The following BRINP2 variants were observed in gnomAD, a reference collection of about 807,000 sequenced individuals.
BRINP2 encodes the protein BMP/retinoic acid-inducible neural-specific protein 2.
In BRINP2, 21 loss-of-function variants were observed where a neutral mutation model predicts 69.2. The ratio of observed to expected loss-of-function variants is 0.30; its 90% CI spans 0.22 to 0.44. BRINP2 has a LOEUF of 0.44. BRINP2 is among the 20% of genes least tolerant of loss of function. The pLI is 1.00. For missense variants in BRINP2, 877 were observed against 986.0 expected (o/e 0.89, Z 1.48); for synonymous variants, 380 against 394.1 (o/e 0.96, Z 0.42).
intron 2 of BRINP2, among the ~76,000 whole-genome samples, chr1:177,252,672 T>G (rs1031344982): frequency 1.3e-5 from 2 of 152,102 alleles, no homozygotes; most frequent in Non-Finnish European, 2.9e-5. Flanking sequence ...ACATAACTTA[T>G]TCTTCCTAAC....
At chr1:177,172,402 T>C (rs1306431250) in intron 1 of BRINP2, among the ~76,000 whole-genome samples, 2 of 152,228 alleles carry the variant, frequency 1.3e-5, no homozygotes, top group African/African-American at 2.4e-5. Context: ...TCTCTGTCTC[T>C]GTTTTTGTGA....
intron 1 of BRINP2, among the ~76,000 whole-genome samples, chr1:177,216,038 A>T (rs1175784899): frequency 6.6e-6 from 1 of 152,038 alleles, no homozygotes; most frequent in Non-Finnish European, 1.5e-5. Context: ...TGTACAGCAT[A>T]TACTTGGACC....
chr1:177,227,585 G>A (rs1039403898), intron 1 of BRINP2, among the ~76,000 whole-genome samples: 6 of 151,582 alleles, frequency 4.0e-5, no homozygotes, highest in East Asian at 3.9e-4. Flanking sequence ...GTACAAAGCC[G>A]ATTCCTCTTT....
At chr1:177,273,828 C>T (rs1571947992) in intron 5 of BRINP2, among the ~76,000 whole-genome samples, 1 of 152,194 alleles carries the variant, frequency 6.6e-6, no homozygotes, top group Admixed American at 6.5e-5. Flanking sequence ...CATGACACCT[C>T]AATCATCCCA....
intron 1 of BRINP2, among the ~76,000 whole-genome samples, chr1:177,187,524 T>C (rs1487391121): frequency 6.6e-6 from 1 of 152,158 alleles, no homozygotes; most frequent in Non-Finnish European, 1.5e-5. Flanking sequence ...GTGCACAGGG[T>C]CAGGCATGGA....
intron 4 of BRINP2, 37 bp downstream of exon 4, chr1:177,257,421 A>G: frequency 6.5e-7 from 1 of 1,547,924 alleles, no homozygotes; most frequent in Non-Finnish European, 8.8e-7. Flanking sequence ...GGGATGGGGG[A>G]AGCACTGAGG....
intron 2 of BRINP2, among the ~76,000 whole-genome samples, chr1:177,231,559 C>A (rs1425833640): frequency 6.6e-6 from 1 of 152,190 alleles, no homozygotes; most frequent in Non-Finnish European, 1.5e-5. Flanking sequence ...GGAGCAAGGT[C>A]AGAGATATTT....
chr1:177,220,128 C>A (rs1428320853), intron 1 of BRINP2, among the ~76,000 whole-genome samples: 2 of 152,190 alleles, frequency 1.3e-5, no homozygotes, highest in African/African-American at 2.4e-5. Context: ...TAAAGAGGAA[C>A]TCTAAGAGAG....
At chr1:177,230,747 A>T (rs1031334232) in intron 2 of BRINP2, among the ~76,000 whole-genome samples, 2 of 152,160 alleles carry the variant, frequency 1.3e-5, no homozygotes, top group African/African-American at 4.8e-5. Flanking sequence ...CTAATCCATC[A>T]TCAGGTGGAA....
intron 1 of BRINP2, among the ~76,000 whole-genome samples, chr1:177,195,700 C>G (rs1571891243): frequency 6.6e-6 from 1 of 151,890 alleles, no homozygotes; most frequent in Non-Finnish European, 1.5e-5. Context: ...GACAGACAGC[C>G]AAGCCAATCT....
chr1:177,222,759 G>C (rs1240180236), intron 1 of BRINP2, among the ~76,000 whole-genome samples: 3 of 151,860 alleles, frequency 2.0e-5, no homozygotes, highest in African/African-American at 7.3e-5. Flanking sequence ...TGAGGCAAAA[G>C]TGTTGGAACC....
chr1:177,188,077 GTGAC>G (rs1648479499), intron 1 of BRINP2, among the ~76,000 whole-genome samples: 1 of 152,176 alleles, frequency 6.6e-6, no homozygotes, highest in African/African-American at 2.4e-5. Flanking sequence ...GCTATGCACA[GTGAC>G]TGGCTCATAA....
chr1:177,271,305 A>G (rs1651318787), intron 4 of BRINP2, among the ~76,000 whole-genome samples: 1 of 152,168 alleles, frequency 6.6e-6, no homozygotes, highest in Non-Finnish European at 1.5e-5. Context: ...AAGTCAGTAC[A>G]ATTTGTTTTG....
chr1:177,234,596 C>T (rs771679354), intron 2 of BRINP2, among the ~76,000 whole-genome samples: 2 of 151,888 alleles, frequency 1.3e-5, no homozygotes, highest in Non-Finnish European at 1.5e-5. Context: ...ACTTAAAACT[C>T]GGAAAGAATA....
At chr1:177,219,715 G>A (rs1159632954) in intron 1 of BRINP2, among the ~76,000 whole-genome samples, 1 of 152,240 alleles carries the variant, frequency 6.6e-6, no homozygotes, top group Non-Finnish European at 1.5e-5. Context: ...CTGGCAGAAA[G>A]CCAAGAGCAA....
chr1:177,179,136 A>G (rs1648173182), intron 1 of BRINP2, among the ~76,000 whole-genome samples: 1 of 152,216 alleles, frequency 6.6e-6, no homozygotes, highest in Non-Finnish European at 1.5e-5. Context: ...CTTTATTACT[A>G]TGGTATCCAG....
chr1:177,250,976 C>A (rs1367147689), intron 2 of BRINP2, among the ~76,000 whole-genome samples: 2 of 152,184 alleles, frequency 1.3e-5, no homozygotes, highest in African/African-American at 4.8e-5. Context: ...ATTAACTAAT[C>A]CTTGTAAGAT....
At chr1:177,266,573 C>T (rs746371985) in intron 4 of BRINP2, among the ~76,000 whole-genome samples, 1 of 151,822 alleles carries the variant, frequency 6.6e-6, no homozygotes, top group Non-Finnish European at 1.5e-5. Flanking sequence ...TCCTGGCTAA[C>T]ATGGTGAAAC....
chr1:177,190,333 C>A (rs1648551085), intron 1 of BRINP2, among the ~76,000 whole-genome samples: 1 of 152,188 alleles, frequency 6.6e-6, no homozygotes, highest in Non-Finnish European at 1.5e-5. Context: ...TAAAACATGT[C>A]CTTTCAAGAC....
Sources: gnomAD v4.1 joint callset for allele counts (sites outside exome capture counted in the v4.1 genomes callset) on GRCh38, gnomAD v4.1.1 for gene constraint, MANE v1.5 for transcripts, NCBI Gene and HGNC (gene_info 2026-07-23, HGNC 2026-07-21) for gene names.